Variants in KLHL26 observed in about 807,000 individuals in gnomAD.
The protein encoded by KLHL26 is kelch like family member 26, also known as kelch-like protein 26.
A neutral mutation model predicts 7.1 loss-of-function variants in KLHL26; 4 were observed. The observed-to-expected ratio is 0.56, with a 90% CI of 0.28 to 1.28. The LOEUF (loss-of-function observed/expected upper bound fraction) is 1.28. Ranked by LOEUF, KLHL26 falls within the 50% of genes most tolerant of loss-of-function variation. The pLI is 0.11. For missense variants in KLHL26, 896 were observed against 924.6 expected (o/e 0.97, Z 0.40); for synonymous variants, 465 against 414.1 (o/e 1.12, Z -1.49).
chr19:18,661,407 T>C (rs556760297), intron 1 of KLHL26, among the ~76,000 whole-genome samples: 1 of 152,296 alleles, frequency 6.6e-6, no homozygotes, highest in East Asian at 1.9e-4. Context: ...AGGGAGGTCC[T>C]CTCTGTCCAA....
chr19:18,645,421 C>T (rs1434616107), intron 1 of KLHL26, among the ~76,000 whole-genome samples: 2 of 152,094 alleles, frequency 1.3e-5, no homozygotes, highest in Non-Finnish European at 2.9e-5. Context: ...TCCCTGGAGA[C>T]GCCTGGGTAG....
chr19:18,652,421 C>T (rs1256311769), intron 1 of KLHL26, among the ~76,000 whole-genome samples: 2 of 152,002 alleles, frequency 1.3e-5, no homozygotes, highest in East Asian at 3.9e-4. Flanking sequence ...GAAACCTCGT[C>T]TCTATTAAAA....
chr19:18,638,976 C>G (rs1243748352), intron 1 of KLHL26, among the ~76,000 whole-genome samples: 3 of 152,164 alleles, frequency 2.0e-5, no homozygotes, highest in Non-Finnish European at 4.4e-5. Flanking sequence ...GCTGAGATTA[C>G]AGATGTGAGC....
rs1164571823 is a variant in KLHL26, at chr19:18,670,101, C to G, written c.*856C>G. 6.6e-6 allele frequency: 1 copy of G among 152,230 alleles called. No homozygotes were observed. The highest frequency in any genetic ancestry group is 1.5e-5 in the Non-Finnish European group (1 of 68,068). 9.4% of individuals were successfully genotyped at this position (152,230 alleles called of 1,614,324 possible). On this transcript the variant is annotated 3_prime_UTR_variant, in exon 3 of 3. Transcript: ENST00000300976. ...TCCCATAGTGGCGCTTGCCGCAGGT[C>G]TGGTGGGGTGTCTTTTTTCTCCTCC...
At chr19:18,642,134 T>G (rs569505606) in intron 1 of KLHL26, among the ~76,000 whole-genome samples, 1 of 152,264 alleles carries the variant, frequency 6.6e-6, no homozygotes, top group African/African-American at 2.4e-5. Context: ...TTTGAGACAT[T>G]GAGTCTTTGT....
chr19:18,657,238 T>G (rs114791165), intron 1 of KLHL26, among the ~76,000 whole-genome samples: 3 of 151,268 alleles, frequency 2.0e-5, no homozygotes, highest in Non-Finnish European at 4.4e-5. Context: ...TCTCCCTGTC[T>G]CTGGGTCTGT....
At chr19:18,667,358 T>G in intron 2 of KLHL26, 4 of 428,796 alleles carry the variant, frequency 9.3e-6, no homozygotes, top group Non-Finnish European at 4.3e-6. Flanking sequence ...GTTTGTTTGT[T>G]TGTTTGTTTG....
Position 18,668,372 on chromosome 19 carries a change from G to A in KLHL26, c.975G>A (p.Ser325=), listed in dbSNP as rs770879547. Residue 325 remains serine (S), a synonymous_variant, in exon 3 of 3, where the codon TCG becomes TCA. Transcript: ENST00000300976. ...CGCCCTACACCGACAGCGACCGCTC[G>A]GTCAGCAGCAAGGTCTACCAGCTGC... ...GGTPYTDSDR[S]VSSKVYQLPE... The A allele has an allele frequency of 5.6e-6, 9 of 1,607,622 alleles. No homozygotes were observed. The highest frequency in any genetic ancestry group is 1.3e-5 in the African/African-American group (1 of 74,930).
chr19:18,654,438 C>G (rs1023514968), intron 1 of KLHL26, among the ~76,000 whole-genome samples: 11 of 150,918 alleles, frequency 7.3e-5, no homozygotes, highest in African/African-American at 2.4e-4. Flanking sequence ...TATCCATCCA[C>G]CAACCCACCA....
chr19:18,637,190 C>CT (rs1249698588), intron 1 of KLHL26, 53 bp downstream of exon 1: 4 of 1,270,944 alleles, frequency 3.1e-6, no homozygotes, highest in Non-Finnish European at 4.0e-6. Flanking sequence ...CCCAGGAAAC[C>CT]TGTGGGCAGT....
intron 1 of KLHL26, among the ~76,000 whole-genome samples, chr19:18,663,699 G>A (rs893105775): frequency 7.9e-5 from 12 of 151,468 alleles, no homozygotes; most frequent in Non-Finnish European, 1.5e-4. Context: ...TGTGTTAACG[G>A]CTCCTAAGCT....
intron 1 of KLHL26, among the ~76,000 whole-genome samples, chr19:18,644,857 T>G (rs2145374282): frequency 6.6e-6 from 1 of 152,068 alleles, no homozygotes; most frequent in East Asian, 1.9e-4. Context: ...AGTTCCTGTC[T>G]TCCCCCTGGC....
chr19:18,648,506 A>G lies in KLHL26; in HGVS notation c.83+11369A>G, dbSNP rs1373747057. Among the ~76,000 whole-genome samples the G allele has an allele frequency of 2.0e-5, 3 of 152,186 alleles. No individual in the cohort carries two copies. Among genetic ancestry groups the G allele is most frequent in the Non-Finnish European group, 4.4e-5 (3 of 68,042 alleles). On this transcript the variant is annotated intron_variant, in intron 1 of 2. Transcript: ENST00000300976. This position sits in a 1 kb window ranked among gnomAD's most constrained non-coding sequence, Gnocchi z 4.9. ...CCAGTTTCTGCCCTCCCCACCGGGC[A>G]GGCTGAAGGTCAGGGTTGTCCTTGG...
chr19:18,665,871 C>T (rs898754631), intron 2 of KLHL26, among the ~76,000 whole-genome samples: 1 of 152,200 alleles, frequency 6.6e-6, no homozygotes, highest in Non-Finnish European at 1.5e-5. Context: ...GTGTGCCGCT[C>T]AGCCACACAT....
rs1420065222 is a variant in KLHL26, at chr19:18,664,241, C to A, written c.84-20C>A. The A allele has an allele frequency of 8.2e-6, 13 of 1,580,434 alleles. No homozygotes were observed. Among genetic ancestry groups the A allele is most frequent in the Non-Finnish European group, 1.1e-5 (13 of 1,164,192 alleles). Reference sequence around the variant, plus strand: ...TGTGTGAACCTCTGGGCCATGTCCCCACCTCTGCTTTCCCCGCAGCACGGC... The same window carrying A: ...TGTGTGAACCTCTGGGCCATGTCCCAACCTCTGCTTTCCCCGCAGCACGGC... On this transcript the variant is annotated intron_variant, in intron 1 of 2. Coordinates refer to ENST00000300976, the MANE Select transcript of KLHL26 (RefSeq NM_018316.3).
At chr19:18,647,603 G>A (rs554389707) in intron 1 of KLHL26, among the ~76,000 whole-genome samples, 19 of 151,078 alleles carry the variant, frequency 1.3e-4, no homozygotes, top group Non-Finnish European at 2.7e-4. Flanking sequence ...GGAAGAGGAG[G>A]AGGAGAAAAA....
At position 18,667,982 on chromosome 19, in the gene KLHL26, C is replaced by G; in HGVS notation, c.585C>G (p.Ile195Met). 1 of 1,608,346 alleles carries G rather than the reference C, an allele frequency of 6.2e-7. No individual in the cohort carries two copies. The highest frequency in any genetic ancestry group is 8.5e-7 in the Non-Finnish European group (1 of 1,179,970). Residue 195 changes from isoleucine to methionine, a missense_variant, in exon 3 of 3, where the codon ATC becomes ATG. By Grantham distance (10) the Ile-to-Met change is conservative. Transcript: ENST00000300976. ...DAFTFRHFLQ[I>M]AEEEDFLRLP... ...TCACCTTCCGGCACTTCCTGCAGAT[C>G]GCCGAGGAGGAGGATTTCCTGCGCC...
In KLHL26 at chr19:18,668,200, T is replaced by C; in HGVS notation, c.803T>C (p.Leu268Pro). Reference sequence around the variant, plus strand: ...GAGCTGGTGGACAGCGTGCAGACGCTGGACATCATGGTGGAGGACGTGCTG... The same window carrying C: ...GAGCTGGTGGACAGCGTGCAGACGCCGGACATCATGGTGGAGGACGTGCTG... ...SSELVDSVQT[L>P]DIMVEDVLCR... is the part of the protein sequence containing the mutation. Residue 268 changes from leucine (L) to proline (P), a missense_variant, in exon 3 of 3, where the codon CTG becomes CCG. Coordinates refer to ENST00000300976, the MANE Select transcript of KLHL26 (RefSeq NM_018316.3). 1 of 1,611,622 alleles carries C rather than the reference T, an allele frequency of 6.2e-7. No individual in the cohort carries two copies. The highest frequency in any genetic ancestry group is 8.5e-7 in the Non-Finnish European group (1 of 1,179,854).
chr19:18,660,744 G>A (rs1044498449), intron 1 of KLHL26, among the ~76,000 whole-genome samples: 2 of 152,216 alleles, frequency 1.3e-5, no homozygotes, highest in Non-Finnish European at 2.9e-5. Flanking sequence ...CTGCAGTGGG[G>A]TGGGTTTGGC....
Sources: gnomAD v4.1 joint callset for allele counts (sites outside exome capture counted in the v4.1 genomes callset) on GRCh38, gnomAD v4.1.1 for gene constraint, Gnocchi (gnomAD v3.1) non-coding constraint, MANE v1.5 for transcripts, NCBI Gene and HGNC (gene_info 2026-07-23, HGNC 2026-07-21) for gene names.